The following TTN variants were observed in gnomAD, a reference collection of about 807,000 sequenced individuals.
TTN encodes the protein titin.
Under a neutral mutation model 3,223.0 loss-of-function variants are expected in TTN, and 1,525 were observed. That is an observed-to-expected ratio of 0.47 (90% CI 0.45 to 0.49). The LOEUF (loss-of-function observed/expected upper bound fraction) is 0.49, where lower values mean the gene tolerates loss of function less well. Among genes scored for constraint, TTN ranks in the 20% least tolerant of loss-of-function variants. The pLI is 0.00. For synonymous variants in TTN, 14,094 were observed against 15,161.0 expected (o/e 0.93, Z 5.17); for missense variants, 40,786 against 43,424.0 (o/e 0.94, Z 5.40).
intron 237 of TTN, 32 bp downstream of exon 237, chr2:178,631,002 T>C: frequency 6.2e-7 from 1 of 1,612,396 alleles, no homozygotes; most frequent in South Asian, 1.1e-5. Context: ...ACCCCAATGC[T>C]TCAAGAGTGA....
At position 178,582,922 on chromosome 2, in the gene TTN, A is replaced by G. The variant is rs1157077323; in HGVS notation, c.65863+18T>C. On this transcript the variant is annotated intron_variant, in intron 313 of 362. Transcript: ENST00000589042. The stretch of plus-strand genomic sequence containing the variant: ...ATCCAAAGTAAAATATGGGATTCCA[A>G]TGAAGTTTATTAGTTACCTAACACT... The G allele has an allele frequency of 4.8e-6, 7 of 1,473,186 alleles. No homozygotes were observed. The highest frequency in any genetic ancestry group is 2.3e-5 in the East Asian group (1 of 42,668). The allele number at this position is 1,473,186 out of a possible 1,614,324, so 91.3% of individuals were successfully genotyped here. A position where few individuals can be genotyped will look rare whatever the true frequency, so the allele number is the denominator to read the frequency against.
Position 178,612,973 on chromosome 2 carries a change from A to G in TTN, c.49748T>C (p.Ile16583Thr), listed in dbSNP as rs372866841. The change falls in exon 265 of 363, where the codon ATT becomes ACT. Residue 16583 changes from isoleucine to threonine, a missense_variant. Ile to Thr is a moderately conservative substitution (Grantham distance 89, BLOSUM62 -1). Transcript: ENST00000589042. ...CAGCATTTCAATGACATAAGACTCA[A>G]TCTTTGCACCTCCATCATGTTCTGG... is the stretch of plus-strand genomic sequence containing the variant. ...TKPEHDGGAK[I>T]ESYVIEMLKT... 6.2e-6 allele frequency: 10 copies of G among 1,612,596 alleles called. No homozygotes were observed. The highest frequency in any genetic ancestry group is 2.7e-5 in the African/African-American group (2 of 74,828).
rs145389491 is a variant in TTN at position 178,665,613 on chromosome 2, T to C, written c.35959+95A>G. On this transcript the variant is annotated intron_variant, in intron 164 of 362. Coordinates refer to ENST00000589042, the MANE Select transcript of TTN (RefSeq NM_001267550.2). ...AATCTTGAGGAGAGGAACCACATAT[T>C]AATTGTCTTTGTTTATTATTCTCCA... 4.6e-5 allele frequency: 57 copies of C among 1,231,812 alleles called. No homozygotes were observed. The African/African-American group carries it at 8.0e-4, about 17-fold the overall frequency. 76.3% of individuals were successfully genotyped at this position (1,231,812 alleles called of 1,614,324 possible). A position where few individuals can be genotyped will look rare whatever the true frequency, so the allele number is the denominator to read the frequency against.
chr2:178,701,656 T>C (rs1339683524), intron 109 of TTN, 69 bp from the exon 110 acceptor site: 2 of 1,461,210 alleles, frequency 1.4e-6, no homozygotes, highest in East Asian at 2.3e-5. Context: ...CTAAGGTGTG[T>C]TTGATTTATT....
chr2:178,574,038 C>T lies in TTN; in HGVS notation c.72094G>A (p.Asp24032Asn). 6.2e-7 allele frequency: 1 copy of T among 1,613,424 alleles called. No individual in the cohort carries two copies. The highest frequency in any genetic ancestry group is 8.5e-7 in the Non-Finnish European group (1 of 1,179,568). The change falls in exon 326 of 363, where the codon GAT (aspartate) becomes AAT (asparagine). Residue 24032 changes from aspartate to asparagine, a missense_variant. By Grantham distance (23) the Asp-to-Asn change is conservative. Transcript: ENST00000589042. Reference protein sequence around the residue: ...DDVEAPKIKVDVKFKDTVILK... With the variant: ...DDVEAPKIKVNVKFKDTVILK... Reference sequence around the variant, plus strand: ...ATAACCGTGTCCTTAAATTTAACATCCACCTTTATCTTTGGTGCCTCAACA... The same window carrying T: ...ATAACCGTGTCCTTAAATTTAACATTCACCTTTATCTTTGGTGCCTCAACA...
In TTN at chr2:178,532,368, CCGTTCCCT is replaced by C; in HGVS notation, c.104239_104246del (p.Arg34747AlafsTer18). 1.2e-6 allele frequency: 2 copies of C among 1,614,018 alleles called. No individual in the cohort carries two copies. Among genetic ancestry groups the C allele is most frequent in the Non-Finnish European group, 1.7e-6 (2 of 1,179,894 alleles). On this transcript the variant is annotated frameshift_variant, in exon 358 of 363. Transcript: ENST00000589042. LOFTEE classifies it high-confidence loss of function. Reference sequence around the variant, plus strand: ...GCTGTCTGTACGCAGCCTGGGCATGCCGTTCCCTCAGTTCTGCATAACTTGTACTAGCT... The same window carrying C: ...GCTGTCTGTACGCAGCCTGGGCATGCCAGTTCTGCATAACTTGTACTAGCT...
In TTN at chr2:178,766,331, G is replaced by T. The variant is rs910644166; in HGVS notation, c.9703+50C>A. Reference sequence around the variant, plus strand: ...AAGAATTTAGTGACTTAAACAGGAGGATTATTTCTGATGGATCCACAAAAT... The same window carrying T: ...AAGAATTTAGTGACTTAAACAGGAGTATTATTTCTGATGGATCCACAAAAT... On this transcript the variant is annotated intron_variant, in intron 41 of 362. Transcript: ENST00000589042. The T allele has an allele frequency of 1.1e-5, 15 of 1,394,430 alleles. No homozygotes were observed. In the African/African-American group the frequency reaches 1.7e-4, roughly 16 times the overall value. 86.4% of individuals were successfully genotyped at this position (1,394,430 alleles called of 1,614,324 possible). A position where few individuals can be genotyped will look rare whatever the true frequency, so the allele number is the denominator to read the frequency against.
chr2:178,563,270 G>A lies in TTN; in HGVS notation c.82862C>T (p.Thr27621Ile), dbSNP rs777261234. The change falls in exon 326 of 363, where the codon ACT becomes ATT. Residue 27621 changes from threonine (T) to isoleucine (I), a missense_variant. By Grantham distance (89) the Thr-to-Ile change is moderately conservative. Transcript: ENST00000589042. The surrounding 1 kb of genome is among the most constrained non-coding windows in gnomAD (Gnocchi z 4.5). ...CTTTCCTTGTAATCCTGTTGGTGGAGTGCAGGTTGTCCATTCATCCGCAGC... is the reference window on the plus strand; with the variant it reads ...CTTTCCTTGTAATCCTGTTGGTGGAATGCAGGTTGTCCATTCATCCGCAGC... ...EAAADEWTTC[T>I]PPTGLQGKQF... is the part of the protein sequence containing the mutation. The A allele has an allele frequency of 1.2e-6, 2 of 1,613,684 alleles. No homozygotes were observed. Among genetic ancestry groups the A allele is most frequent in the South Asian group, 1.1e-5 (1 of 91,078 alleles).
intron 47 of TTN, chr2:178,751,646 C>T (rs1284706228): frequency 1.2e-5 from 19 of 1,613,424 alleles, no homozygotes; most frequent in Non-Finnish European, 1.6e-5. Context: ...AGACCCTTCA[C>T]TATTAATTGC....
intron 240 of TTN, among the ~76,000 whole-genome samples, chr2:178,626,393 A>C (rs2059060055): frequency 6.6e-6 from 1 of 151,962 alleles, no homozygotes; most frequent in Non-Finnish European, 1.5e-5. Context: ...CAAAGATAAG[A>C]GACTTGGGGG....
At chr2:178,796,558 T>C (rs190252355) in intron 6 of TTN, among the ~76,000 whole-genome samples, 30 of 152,260 alleles carry the variant, frequency 2.0e-4, no homozygotes, top group African/African-American at 7.0e-4. Context: ...TAAAGGGAAA[T>C]CTAGGGAATA....
At position 178,679,617 on chromosome 2, in the gene TTN, CCTT is replaced by C. The variant is rs755085826; in HGVS notation, c.33643_33645del (p.Lys11215del). ...GGTGTACCTTTTGCCGGTGGAGCTT[CCTT>C]CTTCTTGGGAACAGGAACAGGTTTC... On this transcript the variant is annotated inframe_deletion, in exon 141 of 363. Coordinates refer to ENST00000589042, the MANE Select transcript of TTN (RefSeq NM_001267550.2). 34 of 1,611,560 alleles carry C rather than the reference CCTT, an allele frequency of 2.1e-5. No individual in the cohort carries two copies. Among genetic ancestry groups the C allele is most frequent in the South Asian group, 1.5e-4 (14 of 90,554 alleles).
chr2:178,718,153 A>G lies in TTN; in HGVS notation c.24853T>C (p.Cys8285Arg). ...AVIGEPATLQCKVDGTPEIRI... is the reference protein window; with the variant it reads ...AVIGEPATLQRKVDGTPEIRI... Reference sequence around the variant, plus strand: ...ATTTCTGGAGTTCCATCCACTTTACACTGTAAAGTTGCAGGTTCTCCAATG... The same window carrying G: ...ATTTCTGGAGTTCCATCCACTTTACGCTGTAAAGTTGCAGGTTCTCCAATG... The change falls in exon 86 of 363, where the codon TGT (cysteine) becomes CGT (arginine). Residue 8285 changes from cysteine (C) to arginine (R), a missense_variant. By Grantham distance (180) the Cys-to-Arg change is radical. Transcript: ENST00000589042. 6.2e-7 allele frequency: 1 copy of G among 1,607,460 alleles called. No individual in the cohort carries two copies. The highest frequency in any genetic ancestry group is 8.5e-7 in the Non-Finnish European group (1 of 1,179,600).
In TTN at chr2:178,570,012, C is replaced by G; in HGVS notation, c.76120G>C (p.Asp25374His). 6.2e-7 allele frequency: 1 copy of G among 1,612,962 alleles called. No individual in the cohort carries two copies. The highest frequency in any genetic ancestry group is 1.1e-5 in the South Asian group (1 of 91,008). ...LRVTGLIENH[D>H]YEFRVSAENA... ...TCAGCAGAAACTCTGAACTCATAAT[C>G]GTGATTTTCTATGAGTCCAGTTACT... The change falls in exon 326 of 363, where the codon GAT becomes CAT. Residue 25374 changes from aspartate to histidine, a missense_variant. Transcript: ENST00000589042.
intron 5 of TTN, 29 bp downstream of exon 5, chr2:178,799,796 G>C: frequency 3.1e-6 from 5 of 1,614,168 alleles, no homozygotes; most frequent in Non-Finnish European, 3.4e-6. Flanking sequence ...AGCCTGAAAG[G>C]CTTGAAAACC....
At chr2:178,713,439 G>A in intron 92 of TTN, 67 bp from the exon 93 acceptor site, 1 of 1,423,942 alleles carries the variant, frequency 7.0e-7, no homozygotes, top group Non-Finnish European at 9.2e-7. Context: ...ATTATAAAAT[G>A]ACTTGAAGAG....
chr2:178,611,466 G>T lies in TTN; in HGVS notation c.50763C>A (p.Asp16921Glu). The T allele has an allele frequency of 2.5e-6, 4 of 1,612,912 alleles. No homozygotes were observed. The highest frequency in any genetic ancestry group is 3.4e-6 in the Non-Finnish European group (4 of 1,179,308). ...KFKVEEGVVP[D>E]KEYVLRVRAV... ...CTCTCACTCTCAGGACATATTCTTTGTCAGGAACAACACCTTCTTCAACCT... is the reference window on the plus strand; with the variant it reads ...CTCTCACTCTCAGGACATATTCTTTTTCAGGAACAACACCTTCTTCAACCT... The change falls in exon 269 of 363, where the codon GAC becomes GAA. Residue 16921 changes from aspartate to glutamate, a missense_variant. Coordinates refer to ENST00000589042, the MANE Select transcript of TTN (RefSeq NM_001267550.2).
chr2:178,755,985 C>A (rs909683790), intron 46 of TTN, among the ~76,000 whole-genome samples: 1 of 152,096 alleles, frequency 6.6e-6, no homozygotes, highest in Non-Finnish European at 1.5e-5. Context: ...AGGAAATAAA[C>A]CTTTGCTTCC....
chr2:178,552,086 A>G lies in TTN; in HGVS notation c.90814T>C (p.Trp30272Arg), dbSNP rs777716014. 2 of 1,613,728 alleles carry G rather than the reference A, an allele frequency of 1.2e-6. No individual in the cohort carries two copies. Among genetic ancestry groups the G allele is most frequent in the East Asian group, 2.2e-5 (1 of 44,852 alleles). Residue 30272 changes from tryptophan to arginine, a missense_variant, in exon 335 of 363, where the codon TGG becomes CGG. Coordinates refer to ENST00000589042, the MANE Select transcript of TTN (RefSeq NM_001267550.2). ...GCAACACTTGAACACACCATCTTCCAGTTAGTTTGTGAAGTTTCCCGCTTC... is the reference window on the plus strand; with the variant it reads ...GCAACACTTGAACACACCATCTTCCGGTTAGTTTGTGAAGTTTCCCGCTTC... ...IEKRETSQTN[W>R]KMVCSSVART...
Sources: gnomAD v4.1 joint callset for allele counts (sites outside exome capture counted in the v4.1 genomes callset) on GRCh38, gnomAD v4.1.1 for gene constraint, Gnocchi (gnomAD v3.1) non-coding constraint, MANE v1.5 for transcripts, NCBI Gene and HGNC (gene_info 2026-07-23, HGNC 2026-07-21) for gene names.